Variants in FRMD5 observed in about 807,000 individuals in gnomAD.
FRMD5 encodes FERM domain containing 5.
Under a neutral mutation model 69.0 loss-of-function variants are expected in FRMD5, and 20 were observed. The observed-to-expected ratio is 0.29, with a 90% CI of 0.20 to 0.42. The LOEUF is 0.42. FRMD5 is among the 10% of genes least tolerant of loss of function. The pLI is 1.00. For missense variants in FRMD5, 595 were observed against 708.6 expected (o/e 0.84, Z 1.82); for synonymous variants, 271 against 260.1 (o/e 1.04, Z -0.40).
intron 1 of FRMD5, among the ~76,000 whole-genome samples, chr15:44,143,966 C>T (rs1191394182): frequency 2.0e-5 from 3 of 149,256 alleles, no homozygotes; most frequent in South Asian, 2.1e-4. Context: ...ATTATCTTTC[C>T]CTGAAGCTCT....
chr15:43,920,487 G>T (rs566760997), intron 2 of FRMD5, among the ~76,000 whole-genome samples: 4 of 152,298 alleles, frequency 2.6e-5, no homozygotes, highest in African/African-American at 9.6e-5. Context: ...ATTTTTCAAG[G>T]AGGCAGGACA....
At chr15:44,043,854 C>T (rs1012502155) in intron 1 of FRMD5, among the ~76,000 whole-genome samples, 2 of 152,144 alleles carry the variant, frequency 1.3e-5, no homozygotes, top group African/African-American at 4.8e-5. Context: ...CCATTCAGGA[C>T]ATAGGAGTGG....
rs1281630067 is a variant in FRMD5 at position 44,053,187 on chromosome 15, G to T, written c.103-128878C>A. Reference sequence around the variant, plus strand: ...AGGGGAAGGCAAAAGTTTGCAGCAGGAGAGAATGTGGTACATTAAAAAGCT... The same window carrying T: ...AGGGGAAGGCAAAAGTTTGCAGCAGTAGAGAATGTGGTACATTAAAAAGCT... On this transcript the variant is annotated intron_variant, in intron 1 of 13. Transcript: ENST00000417257. Among the ~76,000 whole-genome samples, 5 of 152,174 alleles carry T rather than the reference G, an allele frequency of 3.3e-5. No homozygotes were observed. In the South Asian group the frequency reaches 6.2e-4, roughly 19 times the overall value.
rs1274872154 is a variant in FRMD5 at position 43,926,591 on chromosome 15, G to C, written c.103-2282C>G. Among the ~76,000 whole-genome samples, 3 of 152,074 alleles carry C rather than the reference G, an allele frequency of 2.0e-5. No individual in the cohort carries two copies. The East Asian group carries it at 5.8e-4, about 29-fold the overall frequency. On this transcript the variant is annotated intron_variant, in intron 1 of 13. Transcript: ENST00000417257. ...ACCACATACTATCCAAGGAGAACTA[G>C]GGCAGGATGCTGATCTCGCGGCAGT...
chr15:44,105,475 T>A (rs1461526366), intron 1 of FRMD5, among the ~76,000 whole-genome samples: 22 of 152,354 alleles, frequency 1.4e-4, no homozygotes, highest in Admixed American at 3.9e-4. Context: ...GCTAACTTAC[T>A]GATCTTGAAC....
chr15:44,027,176 G>A lies in FRMD5; in HGVS notation c.103-102867C>T, dbSNP rs138809434. On this transcript the variant is annotated intron_variant, in intron 1 of 13. Transcript: ENST00000417257. ...GTTAGTACCTTCTTCTCTATATTAC[G>A]TCCCTATAACAATGTCACAATCTTA... Among the ~76,000 whole-genome samples the A allele has an allele frequency of 4.7e-3, 709 of 152,144 alleles. 1 individual carries two copies. The highest frequency in any genetic ancestry group is 7.2e-3 in the Non-Finnish European group (488 of 68,024).
intron 1 of FRMD5, among the ~76,000 whole-genome samples, chr15:44,112,102 C>G (rs1247722348): frequency 6.6e-6 from 1 of 152,138 alleles, no homozygotes; most frequent in Non-Finnish European, 1.5e-5. Context: ...CTCGGCCTCC[C>G]AAAGTGCTGA....
chr15:44,035,857 G>A (rs1486605549), intron 1 of FRMD5, among the ~76,000 whole-genome samples: 1 of 152,170 alleles, frequency 6.6e-6, no homozygotes, highest in East Asian at 1.9e-4. Context: ...TTAAGAAGGT[G>A]ACATCAGGTA....
At chr15:43,932,619 GA>G (rs1363384079) in intron 1 of FRMD5, among the ~76,000 whole-genome samples, 2 of 151,966 alleles carry the variant, frequency 1.3e-5, no homozygotes, top group East Asian at 3.9e-4. Context: ...AGAATAAAAA[GA>G]AAAAAAGCAT....
chr15:44,108,759 T>C lies in FRMD5; in HGVS notation c.102+86194A>G, dbSNP rs116555750. The stretch of plus-strand genomic sequence containing the variant: ...ACAGGAGGATCTCTGAAGCTAGGAG[T>C]TGGAGACCAGCCTGACCAACACAGT... On this transcript the variant is annotated intron_variant, in intron 1 of 13. Transcript: ENST00000417257. Among the ~76,000 whole-genome samples, 465 of 151,698 alleles carry C rather than the reference T, an allele frequency of 3.1e-3. 5 individuals are homozygous for C. Among genetic ancestry groups the C allele is most frequent in the African/African-American group, 0.011 (455 of 41,334 alleles).
intron 1 of FRMD5, among the ~76,000 whole-genome samples, chr15:44,126,000 T>C (rs1198074213): frequency 6.6e-6 from 1 of 152,226 alleles, no homozygotes; most frequent in Admixed American, 6.5e-5. Context: ...TACCTTTCAC[T>C]TGAAGAAATT....
chr15:44,058,215 C>T (rs1318891389), intron 1 of FRMD5, among the ~76,000 whole-genome samples: 12 of 152,056 alleles, frequency 7.9e-5, no homozygotes, highest in Admixed American at 7.2e-4. Flanking sequence ...AAATATCAAG[C>T]AGTATCAAGT....
intron 5 of FRMD5, among the ~76,000 whole-genome samples, chr15:43,908,805 T>C (rs1260740506): frequency 6.6e-6 from 1 of 152,218 alleles, no homozygotes; most frequent in African/African-American, 2.4e-5. Flanking sequence ...ATTAGCCTGT[T>C]AGGAAATGTG....
At chr15:44,010,066 G>A (rs1464256092) in intron 1 of FRMD5, among the ~76,000 whole-genome samples, 2 of 152,146 alleles carry the variant, frequency 1.3e-5, no homozygotes, top group Non-Finnish European at 2.9e-5. Context: ...CATTATGCTG[G>A]CCATAAAGAA....
chr15:44,073,589 G>T (rs1187742513), intron 1 of FRMD5, among the ~76,000 whole-genome samples: 1 of 152,076 alleles, frequency 6.6e-6, no homozygotes, highest in East Asian at 1.9e-4. Context: ...CCTTGACCTG[G>T]CCCTGACTGC....
At chr15:43,879,510 T>G in intron 13 of FRMD5, 1 of 399,088 alleles carries the variant, frequency 2.5e-6, no homozygotes, top group Non-Finnish European at 4.4e-6. Flanking sequence ...TTGGAAATGC[T>G]CCAGCTGATT....
At chr15:44,006,085 C>T (rs1020352004) in intron 1 of FRMD5, among the ~76,000 whole-genome samples, 13 of 152,166 alleles carry the variant, frequency 8.5e-5, no homozygotes, top group African/African-American at 2.7e-4. Context: ...GGCTTCAAAG[C>T]TTCAAAGGAC....
intron 1 of FRMD5, among the ~76,000 whole-genome samples, chr15:44,046,711 C>G (rs942574665): frequency 2.0e-5 from 3 of 152,200 alleles, no homozygotes; most frequent in African/African-American, 7.2e-5. Flanking sequence ...TTTTTCTAAG[C>G]AGTTCCTAAC....
intron 1 of FRMD5, among the ~76,000 whole-genome samples, chr15:44,071,821 T>C (rs763161781): frequency 2.0e-4 from 31 of 152,190 alleles, no homozygotes; most frequent in Non-Finnish European, 3.8e-4. Context: ...TTTAAAATCG[T>C]TTAATATTCC....
Sources: allele counts gnomAD v4.1 joint callset (sites outside exome capture counted in the v4.1 genomes callset), GRCh38; gene constraint gnomAD v4.1.1; transcripts MANE v1.5; gene names NCBI Gene and HGNC (gene_info 2026-07-23, HGNC 2026-07-21).